Variants in DNAAF5 observed in about 807,000 individuals in gnomAD.
DNAAF5 encodes dynein axonemal assembly factor 5, also known as HEAT repeat containing 2.
DNAAF5 carries 64 observed loss-of-function variants against 75.8 expected under a neutral mutation model. The ratio of observed to expected loss-of-function variants is 0.84; its 90% CI spans 0.69 to 1.04. The LOEUF is 1.04. Among genes scored for constraint, DNAAF5 ranks in the 50% least tolerant of loss-of-function variants. The pLI is 0.00. For synonymous variants in DNAAF5, 657 were observed against 557.2 expected, an observed-to-expected ratio of 1.18 and a Z score of -2.52; for missense variants, 1,269 against 1,178.5, an observed-to-expected ratio of 1.08 and a Z score of -1.12.
In DNAAF5 at chr7:780,092, G is replaced by A; in HGVS notation, c.2379G>A (p.Glu793=). 4.3e-6 allele frequency: 7 copies of A among 1,614,206 alleles called. No individual in the cohort carries two copies. The highest frequency in any genetic ancestry group is 5.1e-6 in the Non-Finnish European group (6 of 1,180,018). ...GCAGTGTCCAGTACCTGTACCGAGA[G>A]TTGCTGGTTCACCTTGACGATCCAG... ...YQSSVQYLYR[E]LLVHLDDPER... The change falls in exon 12 of 13, where the codon GAG becomes GAA. Residue 793 remains glutamate, a synonymous_variant. Transcript: ENST00000297440.
At chr7:753,641 G>C (rs1404480206) in intron 4 of DNAAF5, among the ~76,000 whole-genome samples, 17 of 138,372 alleles carry the variant, frequency 1.2e-4, no homozygotes, top group South Asian at 5.0e-4. Context: ...GCGTATCTCT[G>C]TCATCATATG....
chr7:736,343 C>G (rs879273104), intron 2 of DNAAF5, among the ~76,000 whole-genome samples: 11 of 152,220 alleles, frequency 7.2e-5, no homozygotes, highest in African/African-American at 1.7e-4. Context: ...GAGTCTGTCT[C>G]TCTCTTTAGC....
chr7:730,107 G>A (rs1781519170), intron 2 of DNAAF5, among the ~76,000 whole-genome samples: 1 of 152,218 alleles, frequency 6.6e-6, no homozygotes, highest in Non-Finnish European at 1.5e-5. Flanking sequence ...TAGGCACAGT[G>A]TGCACTTCAG....
Position 774,192 on chromosome 7 carries a change from A to G in DNAAF5, c.2076A>G (p.Ala692=), listed in dbSNP as rs1778675813. 1.2e-6 allele frequency: 2 copies of G among 1,607,040 alleles called. No homozygotes were observed. Among genetic ancestry groups the G allele is most frequent in the Non-Finnish European group, 1.7e-6 (2 of 1,179,092 alleles). ...WALTSSEVLS[A]EQIRDVQETL... The stretch of plus-strand genomic sequence containing the variant: ...TCACCAGCAGCGAGGTCCTGTCGGC[A>G]GAGCAGGTACGGGGCTCCCTGCGTG... Residue 692 remains alanine, a synonymous_variant, in exon 10 of 13, where the codon GCA becomes GCG. Transcript: ENST00000297440.
intron 2 of DNAAF5, among the ~76,000 whole-genome samples, chr7:730,961 C>T (rs951074824): frequency 6.6e-6 from 1 of 152,204 alleles, no homozygotes; most frequent in Non-Finnish European, 1.5e-5. Context: ...GGGCAGAGTG[C>T]GGGGTCAGTG....
chr7:737,699 A>C (rs1201346422), intron 2 of DNAAF5, among the ~76,000 whole-genome samples: 3 of 152,176 alleles, frequency 2.0e-5, no homozygotes, highest in Non-Finnish European at 4.4e-5. Context: ...ACTAGGGTAA[A>C]AGTTTACTTT....
chr7:757,906 G>C (rs969855405), intron 6 of DNAAF5, among the ~76,000 whole-genome samples: 9 of 152,248 alleles, frequency 5.9e-5, no homozygotes, highest in Non-Finnish European at 1.2e-4. Context: ...TTGCCACTGT[G>C]CTCTCAGCCC....
At chr7:745,426 A>G (rs1265943270) in intron 4 of DNAAF5, among the ~76,000 whole-genome samples, 1 of 131,386 alleles carries the variant, frequency 7.6e-6, no homozygotes, top group Non-Finnish European at 1.7e-5. Flanking sequence ...GCGCACACGC[A>G]TACACACACA....
chr7:761,845 C>T lies in DNAAF5; in HGVS notation c.1563C>T (p.Asp521=), dbSNP rs754692782. The part of the protein sequence containing the change: ...DCGVASLQLL[D]VLLTIVALAG... ...GCGTGGCCAGCCTGCAGCTCTTGGA[C>T]GTGCTGCTGACAATAGTGGCCCTCG... Residue 521 remains aspartate (D), a synonymous_variant, in exon 7 of 13, where the codon GAC becomes GAT. Coordinates refer to ENST00000297440, the MANE Select transcript of DNAAF5 (RefSeq NM_017802.4). 38 of 1,598,436 alleles carry T rather than the reference C, an allele frequency of 2.4e-5. No homozygotes were observed. The highest frequency in any genetic ancestry group is 2.9e-5 in the Non-Finnish European group (34 of 1,172,880).
chr7:760,124 C>T (rs889616999), intron 6 of DNAAF5, among the ~76,000 whole-genome samples: 4 of 120,886 alleles, frequency 3.3e-5, no homozygotes, highest in African/African-American at 1.2e-4. Flanking sequence ...CCTCCAGCTC[C>T]GAGGGAGATG....
chr7:762,632 T>G (rs1782697306), intron 7 of DNAAF5, among the ~76,000 whole-genome samples: 1 of 151,584 alleles, frequency 6.6e-6, no homozygotes, highest in Non-Finnish European at 1.5e-5. Flanking sequence ...TCTTTTTTCT[T>G]CAGTGGAGTC....
chr7:765,758 T>C (rs987571832), intron 8 of DNAAF5, among the ~76,000 whole-genome samples: 1 of 152,170 alleles, frequency 6.6e-6, no homozygotes, highest in Non-Finnish European at 1.5e-5. Context: ...TGGAGTGCAG[T>C]GGTACGATCA....
At chr7:759,470 G>A (rs1269822006) in intron 6 of DNAAF5, among the ~76,000 whole-genome samples, 1 of 152,204 alleles carries the variant, frequency 6.6e-6, no homozygotes, top group Non-Finnish European at 1.5e-5. Context: ...GCCAGCAGTT[G>A]TGGGATGCCA....
chr7:731,874 C>T (rs539424697), intron 2 of DNAAF5, among the ~76,000 whole-genome samples: 6 of 152,162 alleles, frequency 3.9e-5, no homozygotes, highest in Middle Eastern at 6.8e-3. Context: ...ATCAGCCCTG[C>T]GACCCCGTCC....
rs565477908 is a variant in DNAAF5, at chr7:728,242, G to GC, written c.595+928dup. Among the ~76,000 whole-genome samples, 81 of 152,258 alleles carry GC rather than the reference G, an allele frequency of 5.3e-4. No homozygotes were observed. The South Asian group carries it at 9.1e-3, about 17-fold the overall frequency. On this transcript the variant is annotated intron_variant, in intron 1 of 12. Transcript: ENST00000297440. Reference sequence around the variant, plus strand: ...GATAGCAGGCGCCTGCTTCCTGCTGGCGGGAAGGCTTTCCGAAGGAGGGAA... The same window carrying GC: ...GATAGCAGGCGCCTGCTTCCTGCTGGCCGGGAAGGCTTTCCGAAGGAGGGAA...
intron 4 of DNAAF5, among the ~76,000 whole-genome samples, chr7:752,826 A>G (rs1782350847): frequency 1.3e-5 from 2 of 152,234 alleles, no homozygotes; most frequent in Non-Finnish European, 1.5e-5. Flanking sequence ...GTATGTAAGG[A>G]TTTATCTCCA....
chr7:744,356 T>A (rs1422047288), intron 4 of DNAAF5, among the ~76,000 whole-genome samples: 1 of 152,212 alleles, frequency 6.6e-6, no homozygotes, highest in Non-Finnish European at 1.5e-5. Context: ...ACATTTGGGT[T>A]GGTTCCAAGT....
intron 4 of DNAAF5, among the ~76,000 whole-genome samples, chr7:753,861 T>C (rs1211536100): frequency 7.1e-6 from 1 of 140,204 alleles, no homozygotes; most frequent in Non-Finnish European, 1.5e-5. Flanking sequence ...TCTCTGATCA[T>C]ATGGCGACGG....
intron 4 of DNAAF5, among the ~76,000 whole-genome samples, chr7:751,169 G>A (rs1782280078): frequency 1.3e-5 from 2 of 151,744 alleles, no homozygotes; most frequent in African/African-American, 2.4e-5. Context: ...ACGAAGAGAG[G>A]TGTGTTTGCA....
Sources: gnomAD v4.1 joint callset for allele counts (sites outside exome capture counted in the v4.1 genomes callset) on GRCh38, gnomAD v4.1.1 for gene constraint, MANE v1.5 for transcripts, NCBI Gene and HGNC (gene_info 2026-07-23, HGNC 2026-07-21) for gene names.